RALYL: variants seen among roughly 807,000 people sequenced by gnomAD.
The protein encoded by RALYL is RALY RNA binding protein like, also known as RNA-binding Raly-like protein.
RALYL carries 29 observed loss-of-function variants against 35.1 expected under a neutral mutation model. The ratio of observed to expected loss-of-function variants is 0.83; its 90% CI spans 0.61 to 1.13. The LOEUF (loss-of-function observed/expected upper bound fraction) is 1.13. Among genes scored for constraint, RALYL ranks in the 50% most tolerant of loss-of-function variants. The pLI, the probability that RALYL is intolerant of heterozygous loss-of-function variation, is 0.00. For missense variants in RALYL, 359 were observed against 360.4 expected, an observed-to-expected ratio of 1.00 and a Z score of 0.03; for synonymous variants, 120 against 127.6, an observed-to-expected ratio of 0.94 and a Z score of 0.40.
intron 1 of RALYL, among the ~76,000 whole-genome samples, chr8:84,457,163 G>T (rs868288422): frequency 6.6e-6 from 1 of 151,854 alleles, no homozygotes; most frequent in Admixed American, 6.6e-5. Flanking sequence ...TGGAATGCAG[G>T]GTTTGGAAGT....
intron 1 of RALYL, among the ~76,000 whole-genome samples, chr8:84,473,784 TA>T (rs1457524036): frequency 6.6e-6 from 1 of 151,916 alleles, no homozygotes; most frequent in Non-Finnish European, 1.5e-5. Context: ...TTTTAATAAA[TA>T]AATTATTAAT....
chr8:84,417,246 C>CTTTTTTTTT (rs1454026606), intron 1 of RALYL, among the ~76,000 whole-genome samples: 3 of 151,974 alleles, frequency 2.0e-5, no homozygotes, highest in African/African-American at 7.2e-5. Flanking sequence ...GACTAGTGAC[C>CTTTTTTTTT]TTTTCTTAAC....
intron 1 of RALYL, among the ~76,000 whole-genome samples, chr8:84,525,873 A>G (rs2058841486): frequency 6.6e-6 from 1 of 150,442 alleles, no homozygotes; most frequent in South Asian, 2.1e-4. Context: ...AATTCTTAAG[A>G]TCTGTAGGAG....
At chr8:84,334,380 T>C (rs1324356684) in intron 1 of RALYL, among the ~76,000 whole-genome samples, 6 of 152,098 alleles carry the variant, frequency 3.9e-5, no homozygotes, top group African/African-American at 1.4e-4. Context: ...ATGTAAGCTA[T>C]ATAAATGAAT....
At chr8:84,471,580 CA>C (rs1237459330) in intron 1 of RALYL, among the ~76,000 whole-genome samples, 3 of 152,032 alleles carry the variant, frequency 2.0e-5, no homozygotes, top group Non-Finnish European at 4.4e-5. Context: ...ATAACAGCAA[CA>C]ACAAGAAGAC....
At chr8:84,557,136 C>T (rs956448209) in intron 2 of RALYL, among the ~76,000 whole-genome samples, 10 of 152,108 alleles carry the variant, frequency 6.6e-5, no homozygotes, top group African/African-American at 9.7e-5. Flanking sequence ...ATTTTCACCC[C>T]GTGTAGCCAG....
intron 1 of RALYL, among the ~76,000 whole-genome samples, chr8:84,462,448 A>G (rs1259423334): frequency 1.3e-5 from 2 of 151,578 alleles, no homozygotes; most frequent in East Asian, 1.9e-4. Flanking sequence ...TTGTAAAAAA[A>G]AAAAAGGCAG....
In RALYL at chr8:84,857,036, G is replaced by GAAAA. The variant is rs36119108; in HGVS notation, c.414-5240_414-5237dup. The stretch of plus-strand genomic sequence containing the variant: ...GGCGACAGAGCGAGACTCCGTCTCA[G>GAAAA]AAAAAAAAAAAAAAAAAAAAAAAGA... On this transcript the variant is annotated intron_variant, in intron 5 of 8. Coordinates refer to ENST00000521268, the MANE Select transcript of RALYL (RefSeq NM_173848.7). Among the ~76,000 whole-genome samples the GAAAA allele has an allele frequency of 1.1e-3, 99 of 91,802 alleles. 2 individuals carry two copies. Among genetic ancestry groups the GAAAA allele is most frequent in the African/African-American group, 3.3e-3 (77 of 23,524 alleles). The allele number at this position is 91,802 out of a possible 152,430, so 60.2% of individuals were successfully genotyped here. A position where few individuals can be genotyped will look rare whatever the true frequency, so the allele number is the denominator to read the frequency against.
rs1212054457 is a variant in RALYL at position 84,839,265 on chromosome 8, C to T, written c.366-10715C>T. Among the ~76,000 whole-genome samples, 6 of 152,242 alleles carry T rather than the reference C, an allele frequency of 3.9e-5. No homozygotes were observed. The East Asian group carries it at 1.2e-3, about 29-fold the overall frequency. On this transcript the variant is annotated intron_variant, in intron 4 of 8. Transcript: ENST00000521268. ...GGCACCTGGAAAATCGGGTCACTCC[C>T]ACCCTAATACTGCGCTTTTCCAATG... is the stretch of plus-strand genomic sequence containing the variant.
chr8:84,253,253 G>C (rs959775113), intron 1 of RALYL, among the ~76,000 whole-genome samples: 1 of 128,358 alleles, frequency 7.8e-6, no homozygotes, highest in Non-Finnish European at 1.6e-5. Flanking sequence ...GCAGTGGTGC[G>C]ATCTCAGCTC....
At chr8:84,849,958 A>C (rs1586754417) in intron 4 of RALYL, 22 bp from the exon 5 acceptor site, 2 of 1,393,710 alleles carry the variant, frequency 1.4e-6, no homozygotes, top group East Asian at 5.4e-5. Flanking sequence ...ATGCCAACTA[A>C]TTTTTTTGTT....
chr8:84,233,656 T>A (rs929165083), intron 1 of RALYL, among the ~76,000 whole-genome samples: 8 of 152,162 alleles, frequency 5.3e-5, no homozygotes, highest in African/African-American at 1.9e-4. Flanking sequence ...CTTTTCTTTG[T>A]CTTAGCCAAC....
chr8:84,738,597 G>T (rs1179529905), intron 2 of RALYL, among the ~76,000 whole-genome samples: 1 of 151,832 alleles, frequency 6.6e-6, no homozygotes, highest in African/African-American at 2.4e-5. Context: ...AATTGATATT[G>T]CCTCTGCAGC....
intron 1 of RALYL, among the ~76,000 whole-genome samples, chr8:84,424,883 C>T (rs2046165788): frequency 1.3e-5 from 2 of 151,844 alleles, no homozygotes; most frequent in East Asian, 1.9e-4. Flanking sequence ...GTCAGGGACC[C>T]ACTTGAGGAG....
At chr8:84,276,152 G>A (rs1223541609) in intron 1 of RALYL, among the ~76,000 whole-genome samples, 1 of 151,966 alleles carries the variant, frequency 6.6e-6, no homozygotes, top group East Asian at 1.9e-4. Context: ...TTTTTTGTTT[G>A]TTTCTTAATA....
At chr8:84,569,428 G>T (rs1807368544) in intron 2 of RALYL, among the ~76,000 whole-genome samples, 2 of 151,508 alleles carry the variant, frequency 1.3e-5, no homozygotes. Flanking sequence ...TTTTAATGGG[G>T]TTCTTTATTT....
intron 2 of RALYL, among the ~76,000 whole-genome samples, chr8:84,553,600 T>A (rs1285766283): frequency 1.3e-5 from 2 of 152,154 alleles, no homozygotes; most frequent in Non-Finnish European, 2.9e-5. Flanking sequence ...GATCTGTACC[T>A]CAAATTGTTT....
At chr8:84,796,049 G>A (rs964416259) in intron 3 of RALYL, among the ~76,000 whole-genome samples, 1 of 152,102 alleles carries the variant, frequency 6.6e-6, no homozygotes, top group African/African-American at 2.4e-5. Flanking sequence ...TGGCTGGCAC[G>A]AGAGTCCACT....
At chr8:84,376,717 C>A (rs1019900955) in intron 1 of RALYL, among the ~76,000 whole-genome samples, 6 of 151,810 alleles carry the variant, frequency 4.0e-5, no homozygotes, top group African/African-American at 1.5e-4. Flanking sequence ...ATTCTCTTGA[C>A]CCTGATGTTC....
Sources: gnomAD v4.1 joint callset for allele counts (sites outside exome capture counted in the v4.1 genomes callset) on GRCh38, gnomAD v4.1.1 for gene constraint, MANE v1.5 for transcripts, NCBI Gene and HGNC (gene_info 2026-07-23, HGNC 2026-07-21) for gene names.